DOCK4: variants seen among roughly 807,000 people sequenced by gnomAD.
DOCK4 encodes dedicator of cytokinesis protein 4.
In DOCK4, 97 loss-of-function variants were observed where a neutral mutation model predicts 268.1. The observed-to-expected ratio is 0.36, with a 90% CI of 0.31 to 0.43. DOCK4 has a LOEUF of 0.43. DOCK4 is among the 20% of genes least tolerant of loss of function. The pLI is 1.00. For synonymous variants in DOCK4, 954 were observed against 887.2 expected, an observed-to-expected ratio of 1.08 and a Z score of -1.34; for missense variants, 2,145 against 2,455.7, an observed-to-expected ratio of 0.87 and a Z score of 2.67.
chr7:112,174,869 TTTTTG>T (rs1017411647), intron 1 of DOCK4, among the ~76,000 whole-genome samples: 25 of 152,170 alleles, frequency 1.6e-4, no homozygotes, highest in African/African-American at 3.4e-4. Flanking sequence ...TTGGTTTGTT[TTTTTG>T]TTTTGTTTTG....
Position 111,918,143 on chromosome 7 carries a change from C to T in DOCK4, c.1067-2239G>A, listed in dbSNP as rs982331138. Among the ~76,000 whole-genome samples the T allele has an allele frequency of 3.3e-5, 5 of 152,274 alleles. No individual in the cohort carries two copies. The East Asian group carries it at 5.8e-4, about 18-fold the overall frequency. ...GCTCAGAGAGAAACTGGAGCCTCTC[C>T]TGAGGTCCAAATCGGAGCTAGATGA... is the stretch of plus-strand genomic sequence containing the variant. On this transcript the variant is annotated intron_variant, in intron 12 of 52. Coordinates refer to ENST00000428084, the MANE Select transcript of DOCK4 (RefSeq NM_001363540.2).
intron 1 of DOCK4, among the ~76,000 whole-genome samples, chr7:112,123,768 A>C (rs1812963090): frequency 1.3e-5 from 2 of 152,188 alleles, no homozygotes; most frequent in African/African-American, 4.8e-5. Flanking sequence ...AACTCAAGGC[A>C]GGCAAATTAA....
At chr7:112,039,373 TG>T (rs35222499) in intron 1 of DOCK4, among the ~76,000 whole-genome samples, 15,125 of 122,076 alleles carry the variant, frequency 0.12, 1,012 homozygotes, top group Middle Eastern at 0.18. Flanking sequence ...GGATTTCATA[TG>T]GGGGGGGGGG....
At chr7:112,171,525 T>C (rs1818080853) in intron 1 of DOCK4, among the ~76,000 whole-genome samples, 1 of 152,052 alleles carries the variant, frequency 6.6e-6, no homozygotes, top group South Asian at 2.1e-4. Flanking sequence ...AATCACATAA[T>C]GTTACATAGG....
intron 1 of DOCK4, among the ~76,000 whole-genome samples, chr7:112,126,919 G>A (rs1270345933): frequency 2.6e-5 from 4 of 151,900 alleles, no homozygotes; most frequent in Admixed American, 6.6e-5. Flanking sequence ...AACAGGTGCT[G>A]GAGAGGATGT....
chr7:112,113,346 T>C (rs1259026764), intron 1 of DOCK4, among the ~76,000 whole-genome samples: 1 of 152,168 alleles, frequency 6.6e-6, no homozygotes, highest in Non-Finnish European at 1.5e-5. Context: ...TCAGGGGTTC[T>C]GACACTAAGG....
At chr7:111,906,571 T>A (rs1466800575) in intron 13 of DOCK4, among the ~76,000 whole-genome samples, 2 of 151,924 alleles carry the variant, frequency 1.3e-5, no homozygotes, top group Non-Finnish European at 2.9e-5. Flanking sequence ...CAGATTAAGA[T>A]CCCCTCCCCA....
chr7:112,176,709 C>A (rs977405259), intron 1 of DOCK4, among the ~76,000 whole-genome samples: 2 of 152,200 alleles, frequency 1.3e-5, no homozygotes, highest in African/African-American at 4.8e-5. Context: ...AATATGGAAA[C>A]TGACTCATTA....
intron 36 of DOCK4, 68 bp from the exon 37 acceptor site, chr7:111,769,745 G>A: frequency 6.5e-7 from 1 of 1,530,474 alleles, no homozygotes; most frequent in Non-Finnish European, 8.8e-7. Flanking sequence ...AATGTGGCCA[G>A]TTTCCGACAA....
At chr7:112,048,775 C>CT (rs1041554660) in intron 1 of DOCK4, among the ~76,000 whole-genome samples, 20 of 147,686 alleles carry the variant, frequency 1.4e-4, no homozygotes, top group African/African-American at 2.2e-4. Flanking sequence ...AAATATCTTT[C>CT]TTTTTTTTTT....
intron 39 of DOCK4, among the ~76,000 whole-genome samples, chr7:111,761,363 G>C (rs1413440174): frequency 6.6e-6 from 1 of 152,078 alleles, no homozygotes; most frequent in Non-Finnish European, 1.5e-5. Flanking sequence ...CCTGGCCATG[G>C]CTTAATGTCT....
At chr7:112,084,668 A>G (rs1165833867) in intron 1 of DOCK4, among the ~76,000 whole-genome samples, 1 of 152,140 alleles carries the variant, frequency 6.6e-6, no homozygotes, top group East Asian at 1.9e-4. Context: ...ATTTCAAGAC[A>G]TGCATAATGA....
At chr7:111,833,866 C>T (rs556667145) in intron 26 of DOCK4, among the ~76,000 whole-genome samples, 3 of 152,274 alleles carry the variant, frequency 2.0e-5, no homozygotes, top group East Asian at 3.9e-4. Flanking sequence ...CACCACCCAG[C>T]TTAAAAGCAA....
chr7:112,013,633 T>C (rs895739319), intron 1 of DOCK4, among the ~76,000 whole-genome samples: 18 of 152,232 alleles, frequency 1.2e-4, no homozygotes, highest in African/African-American at 4.1e-4. Context: ...ACAGGTCTTC[T>C]TCAAAACAAC....
chr7:111,808,764 C>G, intron 30 of DOCK4, 57 bp downstream of exon 30: 1 of 1,565,842 alleles, frequency 6.4e-7, no homozygotes, highest in Non-Finnish European at 8.7e-7. Context: ...CATTTGTACA[C>G]TTCAAGGTAC....
chr7:112,181,413 G>A (rs1396901230), intron 1 of DOCK4, among the ~76,000 whole-genome samples: 1 of 152,038 alleles, frequency 6.6e-6, no homozygotes, highest in Non-Finnish European at 1.5e-5. Context: ...CAGCACTTTG[G>A]GAGGCTAAGG....
At chr7:111,899,056 T>C (rs1790908024) in intron 15 of DOCK4, among the ~76,000 whole-genome samples, 1 of 152,222 alleles carries the variant, frequency 6.6e-6, no homozygotes, top group Non-Finnish European at 1.5e-5. Flanking sequence ...AAGTCCTTTA[T>C]GTTTTCCTAC....
chr7:111,853,080 T>G (rs1393137445), intron 23 of DOCK4, among the ~76,000 whole-genome samples: 1 of 152,180 alleles, frequency 6.6e-6, no homozygotes, highest in Non-Finnish European at 1.5e-5. Flanking sequence ...TGAGTGGATA[T>G]ACAGCCAGCT....
chr7:111,954,038 G>A (rs1796262391), intron 8 of DOCK4, among the ~76,000 whole-genome samples: 1 of 152,184 alleles, frequency 6.6e-6, no homozygotes, highest in South Asian at 2.1e-4. Context: ...CATTCCCTAT[G>A]TATTAATATA....
Sources: gnomAD v4.1 joint callset for allele counts (sites outside exome capture counted in the v4.1 genomes callset) on GRCh38, gnomAD v4.1.1 for gene constraint, MANE v1.5 for transcripts, NCBI Gene and HGNC (gene_info 2026-07-23, HGNC 2026-07-21) for gene names.